CDR2: variants seen among roughly 807,000 people sequenced by gnomAD.
CDR2 encodes cerebellar degeneration related protein 2.
In CDR2, 34 loss-of-function variants were observed where a neutral mutation model predicts 48.4. That is an observed-to-expected ratio of 0.70 (90% CI 0.53 to 0.94). The LOEUF is 0.94. Among genes scored for constraint, CDR2 ranks in the 40% least tolerant of loss-of-function variants. CDR2 has a pLI of 0.00. For missense variants in CDR2, 498 were observed against 549.5 expected (o/e 0.91, Z 0.94); for synonymous variants, 240 against 219.7 (o/e 1.09, Z -0.82).
At chr16:22,360,791 C>T (rs1241834594) in intron 2 of CDR2, among the ~76,000 whole-genome samples, 1 of 141,614 alleles carries the variant, frequency 7.1e-6, no homozygotes, top group East Asian at 2.0e-4. Flanking sequence ...ACTCTTTCGC[C>T]CAGACTGGAG....
At chr16:22,361,161 A>G (rs1158028959) in intron 2 of CDR2, among the ~76,000 whole-genome samples, 2 of 152,226 alleles carry the variant, frequency 1.3e-5, no homozygotes, top group African/African-American at 4.8e-5. Context: ...TTAGGATGCT[A>G]GCTCACCGGG....
chr16:22,349,344 T>C lies in CDR2; in HGVS notation c.441A>G (p.Gly147=), dbSNP rs368583750. The C allele has an allele frequency of 1.8e-5, 29 of 1,614,156 alleles. No individual in the cohort carries two copies. Among genetic ancestry groups the C allele is most frequent in the Non-Finnish European group, 2.5e-5 (29 of 1,180,024 alleles). Residue 147 remains glycine (G), a synonymous_variant, in exon 4 of 5, where the codon GGA becomes GGG. Coordinates refer to ENST00000268383, the MANE Select transcript of CDR2 (RefSeq NM_001802.2). ...KSSGQGRRSP[G]KCDQEKPAPS... The stretch of plus-strand genomic sequence containing the variant: ...GTGCCGGTTTCTCCTGGTCACACTT[T>C]CCCGGGCTCCTTCTCCCTTGGCCAG...
chr16:22,353,631 C>CT, intron 2 of CDR2, among the ~76,000 whole-genome samples: 1 of 152,256 alleles, frequency 6.6e-6, no homozygotes, highest in South Asian at 2.1e-4. Flanking sequence ...CACTAACAAG[C>CT]TTTGCTAACG....
intron 2 of CDR2, among the ~76,000 whole-genome samples, chr16:22,363,011 T>C (rs931595556): frequency 3.3e-5 from 5 of 151,178 alleles, no homozygotes; most frequent in Non-Finnish European, 4.4e-5. Context: ...GGAGTGCAAC[T>C]GCACAATCTC....
At chr16:22,374,044 T>C (rs746089630) in intron 1 of CDR2, among the ~76,000 whole-genome samples, 187 bp downstream of exon 1, 11 of 152,196 alleles carry the variant, frequency 7.2e-5, no homozygotes, top group Non-Finnish European at 1.6e-4. Flanking sequence ...AGCAAGGCCG[T>C]GGGCCCCGTG....
intron 1 of CDR2, among the ~76,000 whole-genome samples, chr16:22,372,149 C>A (rs549824430): frequency 6.6e-6 from 1 of 152,262 alleles, no homozygotes; most frequent in African/African-American, 2.4e-5. Context: ...GGATTACAGG[C>A]ATGAGTCACT....
intron 1 of CDR2, among the ~76,000 whole-genome samples, chr16:22,368,123 T>C (rs967138425): frequency 6.6e-6 from 1 of 152,228 alleles, no homozygotes; most frequent in Non-Finnish European, 1.5e-5. Context: ...CCATTAAATC[T>C]ATGAAATAAC....
intron 2 of CDR2, among the ~76,000 whole-genome samples, chr16:22,351,851 G>A (rs943849909): frequency 2.6e-5 from 4 of 152,136 alleles, no homozygotes; most frequent in African/African-American, 9.7e-5. Context: ...TATTCCAAAG[G>A]AAAAAGTCAC....
Position 22,347,230 on chromosome 16 carries a change from C to T in CDR2, c.1100G>A (p.Cys367Tyr). The change falls in exon 5 of 5, where the codon TGC (cysteine) becomes TAC (tyrosine). Residue 367 changes from cysteine to tyrosine, a missense_variant. Cys to Tyr is a radical substitution (Grantham distance 194). Transcript: ENST00000268383. ...KVKYEELLKK[C>Y]QEEQDSLSHK... ...TGACAGGGAGTCCTGTTCCTCTTGG[C>T]ACTTCTTCAGCAACTCTTCATACTT... 2.5e-6 allele frequency: 4 copies of T among 1,614,176 alleles called. No individual in the cohort carries two copies. The South Asian group carries it at 3.3e-5, about 13-fold the overall frequency.
intron 2 of CDR2, among the ~76,000 whole-genome samples, chr16:22,351,436 C>T (rs1198832641): frequency 6.6e-6 from 1 of 152,140 alleles, no homozygotes; most frequent in Non-Finnish European, 1.5e-5. Flanking sequence ...GAGGAATTGA[C>T]ACCCTGTCTT....
chr16:22,348,156 C>T (rs924982981), intron 4 of CDR2, among the ~76,000 whole-genome samples: 17 of 152,172 alleles, frequency 1.1e-4, no homozygotes, highest in African/African-American at 4.1e-4. Context: ...AGGCTGGTCT[C>T]GAACTCCCAA....
At chr16:22,350,825 C>G (rs1293321009) in intron 2 of CDR2, among the ~76,000 whole-genome samples, 2 of 152,100 alleles carry the variant, frequency 1.3e-5, no homozygotes, top group African/African-American at 4.8e-5. Flanking sequence ...AACATGTGAT[C>G]AAAGTTTAAG....
rs1450139457 is a variant in CDR2, at chr16:22,349,342, T to G, written c.443A>C (p.Lys148Thr). ...SSGQGRRSPGKCDQEKPAPSF... is the reference protein window; with the variant it reads ...SSGQGRRSPGTCDQEKPAPSF... ...GGGTGCCGGTTTCTCCTGGTCACAC[T>G]TTCCCGGGCTCCTTCTCCCTTGGCC... Residue 148 changes from lysine to threonine, a missense_variant, in exon 4 of 5, where the codon AAG becomes ACG. Lys to Thr is a moderately conservative substitution (Grantham distance 78). Coordinates refer to ENST00000268383, the MANE Select transcript of CDR2 (RefSeq NM_001802.2). 6.2e-7 allele frequency: 1 copy of G among 1,614,186 alleles called. No individual in the cohort carries two copies. Among genetic ancestry groups the G allele is most frequent in the Non-Finnish European group, 8.5e-7 (1 of 1,180,028 alleles).
chr16:22,351,801 C>T (rs2048944146), intron 2 of CDR2, among the ~76,000 whole-genome samples: 1 of 152,158 alleles, frequency 6.6e-6, no homozygotes, highest in South Asian at 2.1e-4. Flanking sequence ...TTGATTCCCT[C>T]CCTGCTCAGC....
At chr16:22,371,656 C>T (rs1428943560) in intron 1 of CDR2, among the ~76,000 whole-genome samples, 1 of 152,198 alleles carries the variant, frequency 6.6e-6, no homozygotes, top group Non-Finnish European at 1.5e-5. Context: ...AAAGGATACC[C>T]TTTTATTCAC....
At chr16:22,372,897 G>A (rs976208205) in intron 1 of CDR2, among the ~76,000 whole-genome samples, 2 of 152,132 alleles carry the variant, frequency 1.3e-5, no homozygotes, top group African/African-American at 4.8e-5. Context: ...TGGTTAGCAT[G>A]AACAAGCAAC....
chr16:22,354,476 T>C (rs934190869), intron 2 of CDR2, among the ~76,000 whole-genome samples: 1 of 152,244 alleles, frequency 6.6e-6, no homozygotes, highest in African/African-American at 2.4e-5. Flanking sequence ...CAATCATTAA[T>C]TCCCTGAAAT....
intron 3 of CDR2, 59 bp from the exon 4 acceptor site, chr16:22,349,502 G>A: frequency 6.3e-7 from 1 of 1,592,772 alleles, no homozygotes; most frequent in South Asian, 1.1e-5. Flanking sequence ...GGCAAAAGCG[G>A]TGAGGAGAGA....
intron 1 of CDR2, among the ~76,000 whole-genome samples, chr16:22,373,736 A>C (rs1792594284): frequency 6.6e-6 from 1 of 152,232 alleles, no homozygotes; most frequent in South Asian, 2.1e-4. Flanking sequence ...ATTTTTAAAA[A>C]GTTACTGTCT....
Sources: allele counts gnomAD v4.1 joint callset (sites outside exome capture counted in the v4.1 genomes callset), GRCh38; gene constraint gnomAD v4.1.1; transcripts MANE v1.5; gene names NCBI Gene and HGNC (gene_info 2026-07-23, HGNC 2026-07-21).